Variants in BICD1 observed in about 807,000 individuals in gnomAD.
BICD1 encodes the protein protein bicaudal D homolog 1.
Under a neutral mutation model 92.5 loss-of-function variants are expected in BICD1, and 35 were observed. The ratio of observed to expected loss-of-function variants is 0.38; its 90% CI spans 0.29 to 0.50. BICD1 has a LOEUF of 0.50. BICD1 is among the 20% of genes least tolerant of loss of function. The pLI, the probability that BICD1 is intolerant of heterozygous loss-of-function variation, is 0.93. For synonymous variants in BICD1, 429 were observed against 465.1 expected (o/e 0.92, Z 1.00); for missense variants, 950 against 1,189.8 (o/e 0.80, Z 2.97).
intron 2 of BICD1, among the ~76,000 whole-genome samples, chr12:32,226,242 C>T (rs1457370625): frequency 1.3e-5 from 2 of 152,064 alleles, no homozygotes; most frequent in Non-Finnish European, 2.9e-5. Flanking sequence ...TCAAGCGATT[C>T]TCCTGCCTCA....
At chr12:32,167,269 A>T (rs1943795981) in intron 1 of BICD1, among the ~76,000 whole-genome samples, 1 of 152,250 alleles carries the variant, frequency 6.6e-6, no homozygotes, top group Non-Finnish European at 1.5e-5. Flanking sequence ...GAATGAAATA[A>T]AAATGAAAAA....
chr12:32,367,919 G>A (rs1380056874), intron 9 of BICD1, 174 bp downstream of exon 9: 1 of 601,750 alleles, frequency 1.7e-6, no homozygotes, highest in Non-Finnish European at 2.9e-6. Context: ...TTCCCAGTAG[G>A]AATACAAGAG....
At chr12:32,166,465 G>C (rs568814702) in intron 1 of BICD1, among the ~76,000 whole-genome samples, 2 of 152,024 alleles carry the variant, frequency 1.3e-5, no homozygotes, top group Non-Finnish European at 1.5e-5. Context: ...TGTCACAACT[G>C]GGGGGATGCT....
chr12:32,301,897 C>T (rs2632357), intron 3 of BICD1, among the ~76,000 whole-genome samples: 95,054 of 151,908 alleles, frequency 0.63, 30,152 homozygotes, highest in Middle Eastern at 0.76. Context: ...TTTTTATTTA[C>T]TTATTTTTAG....
intron 1 of BICD1, among the ~76,000 whole-genome samples, chr12:32,121,226 C>G (rs964595004): frequency 6.0e-5 from 9 of 150,734 alleles, no homozygotes; most frequent in Non-Finnish European, 1.3e-4. Flanking sequence ...TCTCAGAGTG[C>G]TGGGAGTACA....
intron 1 of BICD1, among the ~76,000 whole-genome samples, chr12:32,160,166 T>C (rs1374971847): frequency 2.0e-5 from 3 of 152,194 alleles, no homozygotes. Context: ...CCCACGGCCA[T>C]GTCCCAGCTA....
chr12:32,161,235 G>A (rs1311978121), intron 1 of BICD1, among the ~76,000 whole-genome samples: 2 of 152,118 alleles, frequency 1.3e-5, no homozygotes, highest in African/African-American at 4.8e-5. Context: ...AATCTCTCCA[G>A]GCTGAAAGAT....
intron 9 of BICD1, among the ~76,000 whole-genome samples, chr12:32,372,726 C>G (rs1454660439): frequency 1.3e-5 from 2 of 151,754 alleles, no homozygotes; most frequent in Non-Finnish European, 2.9e-5. Context: ...AAACAAAATA[C>G]AAGAATTAGG....
At position 32,306,049 on chromosome 12, in the gene BICD1, T is replaced by C; in HGVS notation, c.932T>C (p.Leu311Pro). ...RTPTLRKGES[L>P]NPVSDLFSEL... ...CCCACCTTAAGGAAAGGAGAGTCTC[T>C]GAACCCTGTCTCTGACTTATTCAGT... The change falls in exon 4 of 10, where the codon CTG becomes CCG. Residue 311 changes from leucine (L) to proline (P), a missense_variant. Around this residue, in one of 5 missense-constraint regions of BICD1, gnomAD observed 246 missense variants for 258.4 expected, o/e 0.95. Coordinates refer to ENST00000652176, the MANE Select transcript of BICD1 (RefSeq NM_001714.4). 2 of 1,614,118 alleles carry C rather than the reference T, an allele frequency of 1.2e-6. No homozygotes were observed. Among genetic ancestry groups the C allele is most frequent in the Non-Finnish European group, 1.7e-6 (2 of 1,180,012 alleles).
At chr12:32,224,454 G>A (rs1003766150) in intron 2 of BICD1, among the ~76,000 whole-genome samples, 2 of 152,202 alleles carry the variant, frequency 1.3e-5, no homozygotes, top group Non-Finnish European at 2.9e-5. Flanking sequence ...GATTCCACAG[G>A]AGAGAGCTCT....
chr12:32,204,786 C>T (rs1214219044), intron 1 of BICD1, among the ~76,000 whole-genome samples: 1 of 152,178 alleles, frequency 6.6e-6, no homozygotes, highest in African/African-American at 2.4e-5. Context: ...TCACAGAAGA[C>T]GATGGGATAT....
intron 2 of BICD1, among the ~76,000 whole-genome samples, chr12:32,244,632 T>TC (rs2136089443): frequency 7.5e-6 from 1 of 133,706 alleles, no homozygotes; most frequent in East Asian, 2.9e-4. Flanking sequence ...ATATAGGATT[T>TC]TTTTTTTTTT....
chr12:32,276,378 A>T (rs552868519), intron 2 of BICD1, among the ~76,000 whole-genome samples: 59 of 152,328 alleles, frequency 3.9e-4, no homozygotes, highest in African/African-American at 1.4e-3. Flanking sequence ...TGGATTTCCT[A>T]GGCCGACTAA....
intron 1 of BICD1, among the ~76,000 whole-genome samples, chr12:32,146,809 T>TC (rs1943118266): frequency 1.9e-5 from 2 of 106,042 alleles, no homozygotes; most frequent in African/African-American, 3.7e-5. Context: ...CTTCCTCCTT[T>TC]CCTCCCTCCC....
At chr12:32,188,103 TA>T in intron 1 of BICD1, among the ~76,000 whole-genome samples, 1 of 152,166 alleles carries the variant, frequency 6.6e-6, no homozygotes, top group Non-Finnish European at 1.5e-5. Context: ...CATGCCTGGC[TA>T]ATTTTTGTAT....
At chr12:32,226,067 G>A (rs932764717) in intron 2 of BICD1, among the ~76,000 whole-genome samples, 11 of 152,152 alleles carry the variant, frequency 7.2e-5, no homozygotes, top group African/African-American at 2.4e-4. Context: ...CTTTGGCATA[G>A]TGTCTTTTCA....
intron 2 of BICD1, among the ~76,000 whole-genome samples, chr12:32,286,546 C>T (rs937027572): frequency 2.6e-5 from 4 of 152,170 alleles, no homozygotes; most frequent in Non-Finnish European, 1.5e-5. Flanking sequence ...CCACACTATG[C>T]TGCAAGTATT....
intron 8 of BICD1, among the ~76,000 whole-genome samples, chr12:32,348,726 ATATATATAT>A (rs1565688900): frequency 0.029 from 110 of 3,764 alleles, 2 homozygotes; most frequent in South Asian, 0.094. Context: ...ACACAAAAAT[ATATATATAT>A]ATATATATAT....
intron 1 of BICD1, among the ~76,000 whole-genome samples, chr12:32,117,941 G>T (rs992125932): frequency 6.6e-6 from 1 of 150,644 alleles, no homozygotes; most frequent in African/African-American, 2.4e-5. Flanking sequence ...GTAGAGACAG[G>T]GTTTCTCCAT....
Sources: allele counts gnomAD v4.1 joint callset (sites outside exome capture counted in the v4.1 genomes callset), GRCh38; gene constraint gnomAD v4.1.1; regional missense constraint gnomAD v4.1.1; transcripts MANE v1.5; gene names NCBI Gene and HGNC (gene_info 2026-07-23, HGNC 2026-07-21).